Variants in WDR90 observed in about 807,000 individuals in gnomAD.
The protein encoded by WDR90 is WD repeat domain 90.
WDR90 carries 238 observed loss-of-function variants against 195.2 expected under a neutral mutation model. That is an observed-to-expected ratio of 1.22 (90% CI 1.10 to 1.36). The LOEUF (loss-of-function observed/expected upper bound fraction) is 1.36. Ranked by LOEUF, WDR90 falls within the 40% of genes most tolerant of loss-of-function variation. The probability of loss-of-function intolerance (pLI) is 0.00; values close to 1 mark genes in which losing one functional copy is unlikely to be tolerated. For missense variants in WDR90, 2,734 were observed against 2,439.5 expected, an observed-to-expected ratio of 1.12 and a Z score of -2.54; for synonymous variants, 1,265 against 1,052.4, an observed-to-expected ratio of 1.20 and a Z score of -3.91.
intron 32 of WDR90, 48 bp from the exon 33 acceptor site, chr16:662,172 G>T: frequency 6.6e-7 from 1 of 1,520,464 alleles, no homozygotes; most frequent in Non-Finnish European, 8.8e-7. Context: ...GTGACCCAGG[G>T]CCTCTGGGAA....
At chr16:666,194 C>T (rs201259945) in intron 36 of WDR90, 26 bp from the exon 37 acceptor site, 5 of 1,607,736 alleles carry the variant, frequency 3.1e-6, no homozygotes, top group Non-Finnish European at 4.3e-6. Context: ...GGGCTGGGGG[C>T]TCACAGGGTG....
rs2037754883 is a variant in WDR90, at chr16:656,398, T to A, written c.2063T>A (p.Leu688Gln). 6.2e-7 allele frequency: 1 copy of A among 1,608,212 alleles called. No homozygotes were observed. Among genetic ancestry groups the A allele is most frequent in the Admixed American group, 1.7e-5 (1 of 59,880 alleles). ...SSGHLGFLDTLSRVYHMLARS... is the reference protein window; with the variant it reads ...SSGHLGFLDTQSRVYHMLARS... Reference sequence around the variant, plus strand: ...GGCCACCTGGGCTTCCTGGACACGCTGTCCCGGGTGTACCACATGCTGGCT... The same window carrying A: ...GGCCACCTGGGCTTCCTGGACACGCAGTCCCGGGTGTACCACATGCTGGCT... Residue 688 changes from leucine (L) to glutamine (Q), a missense_variant, in exon 18 of 41, where the codon CTG becomes CAG. Transcript: ENST00000293879.
At chr16:663,031 T>C (rs1402658782) in intron 34 of WDR90, 187 bp downstream of exon 34, 1 of 894,706 alleles carries the variant, frequency 1.1e-6, no homozygotes, top group East Asian at 2.6e-5. Context: ...CCCGGTTGTG[T>C]CTGCACAAGC....
At chr16:659,886 G>C (rs1037745049) in intron 26 of WDR90, among the ~76,000 whole-genome samples, 172 bp from the exon 27 acceptor site, 1 of 152,212 alleles carries the variant, frequency 6.6e-6, no homozygotes, top group Admixed American at 6.5e-5. Context: ...ACGAGGCAAG[G>C]TCACCTGCAG....
rs764943686 is a variant in WDR90 at position 655,558 on chromosome 16, C to T, written c.1719-15C>T. 34 of 1,573,720 alleles carry T rather than the reference C, an allele frequency of 2.2e-5. No individual in the cohort carries two copies. Among genetic ancestry groups the T allele is most frequent in the Admixed American group, 5.4e-5 (3 of 55,926 alleles). On this transcript the variant is annotated splice_polypyrimidine_tract_variant and intron_variant, in intron 15 of 40. Transcript: ENST00000293879. ...TCCCTGAGGGCCTCACCTTCCCTGC[C>T]GCCTCCTCGGGCAGCTTCGTGTGCA...
intron 34 of WDR90, chr16:665,234 A>T: frequency 3.1e-6 from 1 of 324,398 alleles, no homozygotes; most frequent in Non-Finnish European, 5.7e-6. Context: ...GCAGCCTGCT[A>T]GGGACGCACG....
chr16:654,056 A>C, intron 13 of WDR90: 1 of 526,910 alleles, frequency 1.9e-6, no homozygotes, highest in Non-Finnish European at 3.3e-6. Context: ...GCGTTTACAC[A>C]CCTCGCCTCG....
At chr16:664,294 T>G (rs528366570) in intron 34 of WDR90, among the ~76,000 whole-genome samples, 52 of 152,290 alleles carry the variant, frequency 3.4e-4, no homozygotes, top group Admixed American at 3.3e-4. Context: ...GGTCTTCCCA[T>G]TCAGGATATT....
chr16:653,282 G>A (rs1162505229), intron 10 of WDR90, 59 bp from the exon 11 acceptor site: 6 of 1,393,602 alleles, frequency 4.3e-6, no homozygotes, highest in Non-Finnish European at 4.7e-6. Context: ...CTGACCTCCC[G>A]GCAGCCAGGA....
rs376901812 is a variant in WDR90 at position 651,186 on chromosome 16, T to C, written c.669-13T>C. ...TGGGCCCCCAGACACTGACTCTCCCTCTGCCTGCCAAGGTTTCCAAGTGAG... is the reference window on the plus strand; with the variant it reads ...TGGGCCCCCAGACACTGACTCTCCCCCTGCCTGCCAAGGTTTCCAAGTGAG... On this transcript the variant is annotated splice_polypyrimidine_tract_variant and intron_variant, in intron 6 of 40. Coordinates refer to ENST00000293879, the MANE Select transcript of WDR90 (RefSeq NM_145294.5). 1.7e-5 allele frequency: 28 copies of C among 1,613,228 alleles called. No individual in the cohort carries two copies. The African/African-American group carries it at 3.2e-4, about 18-fold the overall frequency.
chr16:662,999 G>A (rs908503261), intron 34 of WDR90, 155 bp downstream of exon 34: 58 of 1,166,284 alleles, frequency 5.0e-5, no homozygotes, highest in Non-Finnish European at 6.7e-5. Flanking sequence ...AGTCTTGGGT[G>A]TGCACGTCCC....
chr16:661,060 C>A lies in WDR90; in HGVS notation c.3401C>A (p.Ala1134Asp). Residue 1134 changes from alanine to aspartate, a missense_variant, in exon 29 of 41, where the codon GCC becomes GAC. Coordinates refer to ENST00000293879, the MANE Select transcript of WDR90 (RefSeq NM_145294.5). The stretch of plus-strand genomic sequence containing the variant: ...CCCTCTCTGCGCACAGGCTTCTTTG[C>A]CTACACGTGCGGCCGCCTGGTGGTG... ...MVWRPDTGFFAYTCGRLVVVE... is the reference protein window; with the variant it reads ...MVWRPDTGFFDYTCGRLVVVE... The A allele has an allele frequency of 7.1e-7, 1 of 1,413,070 alleles. No homozygotes were observed. Among genetic ancestry groups the A allele is most frequent in the Non-Finnish European group, 9.2e-7 (1 of 1,084,474 alleles). The allele number at this position is 1,413,070 out of a possible 1,614,324, so 87.5% of individuals were successfully genotyped here. A position where few individuals can be genotyped will look rare whatever the true frequency, so the allele number is the denominator to read the frequency against.
Position 659,096 on chromosome 16 carries a change from T to G in WDR90, c.3022T>G (p.Phe1008Val). Reference protein sequence around the residue: ...VLAPTESDQSFPGAPPACKTG... With the variant: ...VLAPTESDQSVPGAPPACKTG... ...CTCCTCCCTCTCCAGCGACCAAAGC[T>G]TCCCCGGGGCCCCCCCAGCCTGCAA... is the stretch of plus-strand genomic sequence containing the variant. Residue 1008 changes from phenylalanine to valine, a missense_variant, in exon 25 of 41, where the codon TTC becomes GTC. Phe to Val is a conservative substitution (Grantham distance 50, BLOSUM62 -1). Transcript: ENST00000293879. 6.2e-7 allele frequency: 1 copy of G among 1,612,718 alleles called. No homozygotes were observed. The highest frequency in any genetic ancestry group is 8.5e-7 in the Non-Finnish European group (1 of 1,179,952).
At position 653,448 on chromosome 16, in the gene WDR90, C is replaced by G. The variant is rs948070044; in HGVS notation, c.1230C>G (p.Asp410Glu). ...AGCGCTTCTTCCTTGGCCACACAGACAAGGTGGGTGCTGCCCGGGCCTGGG... is the reference window on the plus strand; with the variant it reads ...AGCGCTTCTTCCTTGGCCACACAGAGAAGGTGGGTGCTGCCCGGGCCTGGG... ...GEQRFFLGHTDKVSALALDGS... is the reference protein window; with the variant it reads ...GEQRFFLGHTEKVSALALDGS... The change falls in exon 11 of 41, where the codon GAC becomes GAG. Residue 410 changes from aspartate (D) to glutamate (E), a missense_variant. By Grantham distance (45) the Asp-to-Glu change is conservative. Transcript: ENST00000293879. The G allele has an allele frequency of 3.1e-6, 5 of 1,612,376 alleles. No homozygotes were observed. The highest frequency in any genetic ancestry group is 1.1e-5 in the South Asian group (1 of 91,062).
In WDR90 at chr16:659,130, A is replaced by C; in HGVS notation, c.3052+4A>C. 1 of 1,611,478 alleles carries C rather than the reference A, an allele frequency of 6.2e-7. No individual in the cohort carries two copies. Among genetic ancestry groups the C allele is most frequent in the Non-Finnish European group, 8.5e-7 (1 of 1,179,826 alleles). On this transcript the variant is annotated splice_donor_region_variant and intron_variant, in intron 25 of 40. Transcript: ENST00000293879. ...GCCCCCCCAGCCTGCAAGACAGGTG[A>C]GTGGCTGTGCTCAGCTGGGGTGCAG...
chr16:655,179 G>A, intron 14 of WDR90, 32 bp downstream of exon 14: 1 of 1,612,394 alleles, frequency 6.2e-7, no homozygotes, highest in Non-Finnish European at 8.5e-7. Context: ...GATGTTGGGA[G>A]AGGGTCTGGG....
In WDR90 at chr16:651,832, C is replaced by T. The variant is rs1213256160; in HGVS notation, c.846C>T (p.Gly282=). The change falls in exon 9 of 41, where the codon GGC becomes GGT. Residue 282 remains glycine, a synonymous_variant. Coordinates refer to ENST00000293879, the MANE Select transcript of WDR90 (RefSeq NM_145294.5). The part of the protein sequence containing the change: ...VVQTPSPTAS[G]RAALAPRPFP... The stretch of plus-strand genomic sequence containing the variant: ...GGGCACTTGTCCCCCAGCAGTCCGG[C>T]CGGGCCGCCTTGGCACCCAGGCCCT... 8 of 1,610,336 alleles carry T rather than the reference C, an allele frequency of 5.0e-6. No homozygotes were observed. The highest frequency in any genetic ancestry group is 2.5e-6 in the Non-Finnish European group (3 of 1,179,698).
chr16:661,971 T>C lies in WDR90; in HGVS notation c.3945T>C (p.Tyr1315=), dbSNP rs371382586. The change falls in exon 32 of 41, where the codon TAT becomes TAC. Residue 1315 remains tyrosine, a synonymous_variant. Coordinates refer to ENST00000293879, the MANE Select transcript of WDR90 (RefSeq NM_145294.5). ...SLCYGAPPLL[Y]CGTSSGQVCV... ...GCTACGGGGCACCTCCCCTGCTCTA[T>C]TGTGGCACCAGCTCTGGCCAGGTCT... The C allele has an allele frequency of 1.3e-5, 21 of 1,606,456 alleles. No individual in the cohort carries two copies. Among genetic ancestry groups the C allele is most frequent in the African/African-American group, 6.7e-5 (5 of 74,916 alleles).
chr16:654,969 G>A lies in WDR90; in HGVS notation c.1438-60G>A, dbSNP rs1048977766. On this transcript the variant is annotated intron_variant, in intron 13 of 40. Transcript: ENST00000293879. ...TCCGGGTGGGGCTCGGCTGGGCCTT[G>A]CAGAATCGAGGTGGCCCCGACTGGC... The A allele has an allele frequency of 8.4e-6, 13 of 1,546,514 alleles. 1 individual carries two copies. The African/African-American group carries it at 1.6e-4, about 19-fold the overall frequency.
Sources: gnomAD v4.1 joint callset for allele counts (sites outside exome capture counted in the v4.1 genomes callset) on GRCh38, gnomAD v4.1.1 for gene constraint, MANE v1.5 for transcripts, NCBI Gene and HGNC (gene_info 2026-07-23, HGNC 2026-07-21) for gene names.